The following FMN1 variants were observed in gnomAD, a reference collection of about 807,000 sequenced individuals.
FMN1 encodes the protein formin 1, also known as formin-1.
FMN1 carries 110 observed loss-of-function variants against 132.4 expected under a neutral mutation model. The ratio of observed to expected loss-of-function variants is 0.83; its 90% CI spans 0.71 to 0.97. FMN1 has a LOEUF of 0.97. Ranked by LOEUF, FMN1 falls within the 50% of genes least tolerant of loss-of-function variation. The pLI is 0.00. For missense variants in FMN1, 1,792 were observed against 1,705.3 expected (o/e 1.05, Z -0.90); for synonymous variants, 722 against 651.7 (o/e 1.11, Z -1.64).
chr15:32,826,324 G>A (rs958857669), intron 17 of FMN1, among the ~76,000 whole-genome samples: 27 of 152,202 alleles, frequency 1.8e-4, no homozygotes, highest in Admixed American at 1.5e-3. Context: ...CCTGCTTAGC[G>A]CAGCCTGAGA....
chr15:32,831,418 G>A (rs1011999699), intron 17 of FMN1, among the ~76,000 whole-genome samples: 25 of 152,084 alleles, frequency 1.6e-4, no homozygotes, highest in African/African-American at 5.6e-4. Flanking sequence ...AGCTTGGGAA[G>A]TTTTTATAAA....
At chr15:32,919,046 CCATTT>C (rs1169154730) in intron 10 of FMN1, among the ~76,000 whole-genome samples, 1 of 152,006 alleles carries the variant, frequency 6.6e-6, no homozygotes, top group East Asian at 1.9e-4. Flanking sequence ...TTGAAACTGC[CCATTT>C]ATTTAGTCTG....
At chr15:32,787,238 C>T (rs1172089412) in intron 19 of FMN1, among the ~76,000 whole-genome samples, 2 of 152,126 alleles carry the variant, frequency 1.3e-5, no homozygotes, top group Admixed American at 6.5e-5. Flanking sequence ...ATTGACTAGG[C>T]TATGTGGAAT....
chr15:32,789,288 A>AC (rs1333074466), intron 19 of FMN1, among the ~76,000 whole-genome samples: 2 of 152,170 alleles, frequency 1.3e-5, no homozygotes, highest in Non-Finnish European at 2.9e-5. Flanking sequence ...GATACAGTAA[A>AC]CCCCCAAAAT....
At chr15:33,108,510 C>G (rs1488243444) in intron 4 of FMN1, among the ~76,000 whole-genome samples, 1 of 151,132 alleles carries the variant, frequency 6.6e-6, no homozygotes, top group Admixed American at 6.6e-5. Flanking sequence ...TAACATAATT[C>G]TCTAACTCTG....
At chr15:33,026,681 C>A (rs887508043) in intron 6 of FMN1, among the ~76,000 whole-genome samples, 1 of 152,054 alleles carries the variant, frequency 6.6e-6, no homozygotes, top group Non-Finnish European at 1.5e-5. Flanking sequence ...ACTGACAGAG[C>A]CTTTTATTTA....
chr15:32,804,192 C>A (rs910897578), intron 18 of FMN1, 89 bp downstream of exon 18: 17 of 940,322 alleles, frequency 1.8e-5, no homozygotes, highest in Admixed American at 7.5e-5. Flanking sequence ...GGAGATAGAA[C>A]TGCATAGCAA....
intron 9 of FMN1, among the ~76,000 whole-genome samples, chr15:32,928,938 AT>A (rs1172687017): frequency 6.6e-6 from 1 of 152,244 alleles, no homozygotes; most frequent in African/African-American, 2.4e-5. Flanking sequence ...CAAGAAAGAT[AT>A]TGATTCTGTC....
intron 16 of FMN1, among the ~76,000 whole-genome samples, chr15:32,870,393 C>T (rs917467116): frequency 6.6e-6 from 1 of 152,208 alleles, no homozygotes; most frequent in African/African-American, 2.4e-5. Flanking sequence ...TTCTGATTCA[C>T]TCCACTGAGG....
intron 16 of FMN1, among the ~76,000 whole-genome samples, chr15:32,871,862 C>T (rs976205946): frequency 1.3e-5 from 2 of 152,076 alleles, no homozygotes; most frequent in Admixed American, 6.6e-5. Flanking sequence ...GTAGGGACTA[C>T]GGTCATCACA....
At chr15:32,973,588 A>G (rs192532149) in intron 7 of FMN1, among the ~76,000 whole-genome samples, 1 of 145,896 alleles carries the variant, frequency 6.9e-6, no homozygotes, top group Non-Finnish European at 1.5e-5. Context: ...CCCCCCCAAA[A>G]AAACACTTGT....
intron 19 of FMN1, among the ~76,000 whole-genome samples, chr15:32,780,989 C>A (rs2056644234): frequency 6.6e-6 from 1 of 152,080 alleles, no homozygotes; most frequent in Non-Finnish European, 1.5e-5. Flanking sequence ...GAGGTTATTG[C>A]TAGAAAGATC....
At chr15:32,896,061 C>T (rs1211562198) in intron 15 of FMN1, among the ~76,000 whole-genome samples, 1 of 151,980 alleles carries the variant, frequency 6.6e-6, no homozygotes, top group East Asian at 1.9e-4. Flanking sequence ...TAAAACTTTG[C>T]TCTGGTCTCT....
At chr15:32,972,877 G>A (rs16962392) in intron 7 of FMN1, among the ~76,000 whole-genome samples, 3,409 of 152,108 alleles carry the variant, frequency 0.022, 124 homozygotes, top group African/African-American at 0.074. Context: ...CATTGTTGCC[G>A]AACCCCAATG....
At chr15:32,907,472 C>G (rs1192461417) in intron 12 of FMN1, among the ~76,000 whole-genome samples, 1 of 152,044 alleles carries the variant, frequency 6.6e-6, no homozygotes, top group African/African-American at 2.4e-5. Context: ...GCCGGCTTGT[C>G]TCTCACTCAC....
chr15:32,805,286 A>G lies in FMN1; in HGVS notation c.3929-954T>C, dbSNP rs558647590. On this transcript the variant is annotated intron_variant, in intron 17 of 20. Coordinates refer to ENST00000616417, the MANE Select transcript of FMN1 (RefSeq NM_001277313.2). Reference sequence around the variant, plus strand: ...ATGATGAGCATTTTTTCATGTGTCTATTGGCTGCATAAATGTCTTCTTTTG... The same window carrying G: ...ATGATGAGCATTTTTTCATGTGTCTGTTGGCTGCATAAATGTCTTCTTTTG... 7.6e-4 allele frequency among the ~76,000 whole-genome samples: 115 copies of G among 152,174 alleles called. 1 individual carries two copies. In the South Asian group the frequency reaches 0.021, roughly 27 times the overall value.
rs144779229 is a variant in FMN1, at chr15:32,775,428, C to G, written c.4216-1074G>C. Among the ~76,000 whole-genome samples, 367 of 152,218 alleles carry G rather than the reference C, an allele frequency of 2.4e-3. 6 individuals carry two copies. The East Asian group carries it at 0.029, about 12-fold the overall frequency. ...TTTCCCTTTTGTCTATATGGCTGAC[C>G]CCATTCTCTCTGCCTTGGGGGAACA... On this transcript the variant is annotated intron_variant, in intron 20 of 20. Transcript: ENST00000616417.
chr15:33,138,985 G>A (rs892465637), intron 4 of FMN1, among the ~76,000 whole-genome samples: 3 of 152,196 alleles, frequency 2.0e-5, no homozygotes, highest in African/African-American at 7.2e-5. Flanking sequence ...AGGAGAGGAT[G>A]AGAGGCACAC....
intron 6 of FMN1, among the ~76,000 whole-genome samples, chr15:33,027,796 CCTT>C (rs2035751473): frequency 6.6e-6 from 1 of 152,088 alleles, no homozygotes; most frequent in Non-Finnish European, 1.5e-5. Context: ...ACCTGTTGTC[CCTT>C]CTTGTAGAGG....
Sources: gnomAD v4.1 joint callset for allele counts (sites outside exome capture counted in the v4.1 genomes callset) on GRCh38, gnomAD v4.1.1 for gene constraint, MANE v1.5 for transcripts, NCBI Gene and HGNC (gene_info 2026-07-23, HGNC 2026-07-21) for gene names.